UNC79: variants seen among roughly 807,000 people sequenced by gnomAD.
UNC79 encodes the protein protein unc-79 homolog.
A neutral mutation model predicts 283.1 loss-of-function variants in UNC79; 37 were observed. The observed-to-expected ratio is 0.13, with a 90% CI of 0.10 to 0.17. The LOEUF (loss-of-function observed/expected upper bound fraction) is 0.17. UNC79 is among the 10% of genes least tolerant of loss of function. UNC79 has a pLI of 1.00. For missense variants in UNC79, 2,272 were observed against 3,211.1 expected, an observed-to-expected ratio of 0.71 and a Z score of 7.07; for synonymous variants, 1,107 against 1,200.2, an observed-to-expected ratio of 0.92 and a Z score of 1.61.
chr14:93,651,844 A>T (rs2070300650), intron 35 of UNC79, among the ~76,000 whole-genome samples: 1 of 148,498 alleles, frequency 6.7e-6, no homozygotes, highest in South Asian at 2.2e-4. Context: ...GGTTTAAAGG[A>T]TTCTCCTGCC....
At chr14:93,629,912 G>A (rs528904539) in intron 30 of UNC79, among the ~76,000 whole-genome samples, 1 of 152,192 alleles carries the variant, frequency 6.6e-6, no homozygotes, top group Middle Eastern at 3.2e-3. Flanking sequence ...TCACTGCATG[G>A]TGCTGCCTAA....
chr14:93,580,978 G>A, intron 19 of UNC79, among the ~76,000 whole-genome samples: 1 of 151,962 alleles, frequency 6.6e-6, no homozygotes, highest in Admixed American at 6.6e-5. Context: ...CAAAGTGCTG[G>A]GATTACAGGC....
At position 93,652,941 on chromosome 14, in the gene UNC79, C is replaced by T. The variant is rs142303362; in HGVS notation, c.6084-801C>T. Among the ~76,000 whole-genome samples, 322 of 152,152 alleles carry T rather than the reference C, an allele frequency of 2.1e-3. 14 individuals carry two copies. The East Asian group carries it at 0.043, about 20-fold the overall frequency. Reference sequence around the variant, plus strand: ...CTATTTTCTGAAGTTATTGTAAGTTCGGCGTTATTTTTTCCTGAAGAATAT... The same window carrying T: ...CTATTTTCTGAAGTTATTGTAAGTTTGGCGTTATTTTTTCCTGAAGAATAT... On this transcript the variant is annotated intron_variant, in intron 35 of 48. Transcript: ENST00000555664.
At chr14:93,446,785 A>G (rs1487479298) in intron 1 of UNC79, among the ~76,000 whole-genome samples, 1 of 152,224 alleles carries the variant, frequency 6.6e-6, no homozygotes, top group Admixed American at 6.5e-5. Flanking sequence ...GTTAGAGAAT[A>G]TATTCTGTAT....
At chr14:93,592,267 C>T (rs573682841) in intron 22 of UNC79, among the ~76,000 whole-genome samples, 3 of 151,116 alleles carry the variant, frequency 2.0e-5, no homozygotes, top group East Asian at 3.9e-4. Flanking sequence ...CTCTGCCTCC[C>T]GGGTTCACGC....
chr14:93,618,244 T>C (rs2066874559), exon 29 of UNC79: 1 of 1,613,842 alleles, frequency 6.2e-7, no homozygotes, highest in Admixed American at 1.7e-5. Context: ...CTGATTCACA[T>C]AACAGTCAAT....
intron 20 of UNC79, 118 bp downstream of exon 20, chr14:93,582,462 G>A: frequency 7.2e-7 from 1 of 1,385,088 alleles, no homozygotes; most frequent in Non-Finnish European, 9.6e-7. Flanking sequence ...CCTTAGTATA[G>A]ACTCGTGCAG....
intron 1 of UNC79, among the ~76,000 whole-genome samples, chr14:93,448,838 G>GT (rs1237644862): frequency 6.6e-6 from 1 of 152,172 alleles, no homozygotes; most frequent in East Asian, 1.9e-4. Flanking sequence ...AGAGTTTATG[G>GT]TTTTTTCCCT....
intron 32 of UNC79, among the ~76,000 whole-genome samples, chr14:93,640,497 G>A (rs371129459): frequency 1.3e-5 from 2 of 152,100 alleles, no homozygotes; most frequent in Non-Finnish European, 2.9e-5. Context: ...GCATTGTGGC[G>A]TGTGCCTGTA....
intron 48 of UNC79, among the ~76,000 whole-genome samples, chr14:93,706,262 C>T (rs1310702824): frequency 6.6e-6 from 1 of 152,146 alleles, no homozygotes; most frequent in Non-Finnish European, 1.5e-5. Flanking sequence ...ACTATCCCCC[C>T]TTTACCCATG....
At chr14:93,618,491 C>CT in intron 29 of UNC79, 137 bp downstream of exon 30, 1 of 1,040,166 alleles carries the variant, frequency 9.6e-7, no homozygotes. Flanking sequence ...AATTTTCCAA[C>CT]TTTCCATGAA....
intron 42 of UNC79, 85 bp downstream of exon 45, chr14:93,682,779 G>T: frequency 7.5e-7 from 1 of 1,330,940 alleles, no homozygotes; most frequent in Non-Finnish European, 1.1e-6. Context: ...TTACATCAGG[G>T]TTTGAGGCCT....
intron 47 of UNC79, among the ~76,000 whole-genome samples, chr14:93,698,564 C>A (rs1433371635): frequency 6.8e-6 from 1 of 147,496 alleles, no homozygotes; most frequent in African/African-American, 2.5e-5. Context: ...TGGCTCGCCA[C>A]AACCTCTGCC....
At chr14:93,514,597 C>T (rs2059971743) in intron 7 of UNC79, among the ~76,000 whole-genome samples, 1 of 152,172 alleles carries the variant, frequency 6.6e-6, no homozygotes, top group South Asian at 2.1e-4. Context: ...ATCTGTGATA[C>T]CTCTTCTTGG....
intron 41 of UNC79, among the ~76,000 whole-genome samples, chr14:93,676,204 G>A (rs910444422): frequency 6.6e-6 from 1 of 152,076 alleles, no homozygotes; most frequent in Non-Finnish European, 1.5e-5. Flanking sequence ...CTACAGGTGT[G>A]GGCCACCATG....
chr14:93,566,728 C>T (rs1177237137), intron 14 of UNC79, among the ~76,000 whole-genome samples: 2 of 150,642 alleles, frequency 1.3e-5, no homozygotes, highest in Admixed American at 1.3e-4. Flanking sequence ...ACCTCTGCCT[C>T]CCGGGTTCAA....
intron 5 of UNC79, among the ~76,000 whole-genome samples, chr14:93,493,475 T>G (rs1364475711): frequency 6.6e-6 from 1 of 152,136 alleles, no homozygotes; most frequent in Non-Finnish European, 1.5e-5. Flanking sequence ...AGGTTGGATA[T>G]AGATTGACCT....
intron 35 of UNC79, among the ~76,000 whole-genome samples, chr14:93,653,322 C>CATATATATATATATAT (rs60148384): frequency 1.3e-5 from 2 of 148,250 alleles, no homozygotes; most frequent in Non-Finnish European, 3.0e-5. Flanking sequence ...TCTCTCACTG[C>CATATATATATATATAT]ATATATATAT....
chr14:93,688,829 A>G lies in UNC79; in HGVS notation c.7074A>G (p.Ala2358=). The change falls in exon 44 of 49, where the codon GCA becomes GCG. Residue 2358 remains alanine (A), a synonymous_variant. Coordinates refer to ENST00000555664, the Ensembl canonical transcript of UNC79. This position sits in a 1 kb window ranked among gnomAD's most constrained non-coding sequence, Gnocchi z 4.0. ...CTTGGCTTTATCATCCCCCCTCTGC[A>G]ATGCAGCAAGGGTAAGACCCTTACT... The G allele has an allele frequency of 6.2e-7, 1 of 1,613,904 alleles. No individual in the cohort carries two copies. The highest frequency in any genetic ancestry group is 8.5e-7 in the Non-Finnish European group (1 of 1,179,930).
Sources: gnomAD v4.1 joint callset for allele counts (sites outside exome capture counted in the v4.1 genomes callset) on GRCh38, gnomAD v4.1.1 for gene constraint, Gnocchi (gnomAD v3.1) non-coding constraint, MANE v1.5 for transcripts, NCBI Gene and HGNC (gene_info 2026-07-23, HGNC 2026-07-21) for gene names.